Variants in RCAN1 observed in about 807,000 individuals in gnomAD.
The protein encoded by RCAN1 is calcipressin-1.
RCAN1 carries 11 observed loss-of-function variants against 22.9 expected under a neutral mutation model. The ratio of observed to expected loss-of-function variants is 0.48; its 90% CI spans 0.30 to 0.79. The LOEUF is 0.79. Ranked by LOEUF, RCAN1 falls within the 30% of genes least tolerant of loss-of-function variation. The pLI, the probability that RCAN1 is intolerant of heterozygous loss-of-function variation, is 0.06. For synonymous variants in RCAN1, 136 were observed against 142.3 expected (o/e 0.96, Z 0.32); for missense variants, 291 against 337.8 (o/e 0.86, Z 1.09).
intron 1 of RCAN1, among the ~76,000 whole-genome samples, chr21:34,563,794 T>TATAGAGAGAG (rs765741781): frequency 2.3e-4 from 11 of 48,720 alleles, no homozygotes; most frequent in South Asian, 1.0e-3. Flanking sequence ...TATATATATA[T>TATAGAGAGAG]AGAGAGAGAG....
intron 1 of RCAN1, among the ~76,000 whole-genome samples, chr21:34,596,618 G>A (rs149913755): frequency 8.5e-5 from 13 of 152,306 alleles, no homozygotes; most frequent in African/African-American, 2.2e-4. Flanking sequence ...AGCAACCCCC[G>A]CTGCCATGCA....
At chr21:34,561,681 A>G (rs960567051) in intron 1 of RCAN1, among the ~76,000 whole-genome samples, 4 of 152,262 alleles carry the variant, frequency 2.6e-5, no homozygotes, top group Non-Finnish European at 4.4e-5. Flanking sequence ...GAAGTTAGCT[A>G]CCTCAGTAAA....
chr21:34,614,101 A>G lies in RCAN1; in HGVS notation c.252+659T>C, dbSNP rs1380254253. 1.3e-5 allele frequency among the ~76,000 whole-genome samples: 2 copies of G among 152,026 alleles called. No individual in the cohort carries two copies. Among genetic ancestry groups the G allele is most frequent in the Non-Finnish European group, 2.9e-5 (2 of 67,990 alleles). On this transcript the variant is annotated intron_variant, in intron 1 of 3. Coordinates refer to ENST00000313806, the MANE Select transcript of RCAN1 (RefSeq NM_004414.7). The surrounding 1 kb of genome is among the most constrained non-coding windows in gnomAD (Gnocchi z 6.0). The stretch of plus-strand genomic sequence containing the variant: ...TTGCGGGGGTGGGGGGAGGCGGGGG[A>G]AGGAGTCGACTCCCCATGTACTGGG...
intron 1 of RCAN1, among the ~76,000 whole-genome samples, chr21:34,556,390 C>T (rs1251060907): frequency 2.0e-5 from 3 of 150,178 alleles, no homozygotes; most frequent in Non-Finnish European, 3.0e-5. Context: ...CGTGCCACTG[C>T]ACTCCAGCCT....
At chr21:34,581,009 C>G (rs965468017) in intron 1 of RCAN1, among the ~76,000 whole-genome samples, 1 of 152,196 alleles carries the variant, frequency 6.6e-6, no homozygotes, top group African/African-American at 2.4e-5. Flanking sequence ...GTTCTTTAGA[C>G]AAGCACTAGG....
chr21:34,565,946 T>C (rs542940037), intron 1 of RCAN1, among the ~76,000 whole-genome samples: 28 of 152,334 alleles, frequency 1.8e-4, no homozygotes, highest in African/African-American at 6.7e-4. Context: ...GTGAACCATC[T>C]ACCAGGTGTC....
At chr21:34,554,801 A>G (rs1235627399) in intron 1 of RCAN1, among the ~76,000 whole-genome samples, 3 of 152,358 alleles carry the variant, frequency 2.0e-5, no homozygotes, top group Middle Eastern at 6.8e-3. Flanking sequence ...GGAAAGCATC[A>G]CTATCATGGT....
At chr21:34,582,665 G>A (rs1012049422) in intron 1 of RCAN1, among the ~76,000 whole-genome samples, 9 of 152,174 alleles carry the variant, frequency 5.9e-5, no homozygotes, top group Admixed American at 1.3e-4. Context: ...TCTGGAGCCC[G>A]CGCTAAATGT....
In RCAN1 at chr21:34,525,873, A is replaced by G. The variant is rs189900215; in HGVS notation, c.253-2163T>C. Among the ~76,000 whole-genome samples, 3 of 152,290 alleles carry G rather than the reference A, an allele frequency of 2.0e-5. No homozygotes were observed. The East Asian group carries it at 5.8e-4, about 29-fold the overall frequency. On this transcript the variant is annotated intron_variant, in intron 1 of 3. Coordinates refer to ENST00000313806, the MANE Select transcript of RCAN1 (RefSeq NM_004414.7). ...ACTATGGTGCGAGCCCATAAGCATT[A>G]TATACAATTATGGAGTTACATTTGA... is the stretch of plus-strand genomic sequence containing the variant.
chr21:34,574,786 C>G (rs1460498296), intron 1 of RCAN1, among the ~76,000 whole-genome samples: 1 of 152,210 alleles, frequency 6.6e-6, no homozygotes, highest in African/African-American at 2.4e-5. Flanking sequence ...AGCACGTTCT[C>G]CTCGGGTGCC....
At chr21:34,529,968 T>C (rs1010707294) in intron 1 of RCAN1, among the ~76,000 whole-genome samples, 2 of 152,208 alleles carry the variant, frequency 1.3e-5, no homozygotes, top group Non-Finnish European at 2.9e-5. Context: ...GCTGCCGCCA[T>C]GTAAGAAGTG....
At chr21:34,568,586 T>G (rs1410062863) in intron 1 of RCAN1, among the ~76,000 whole-genome samples, 1 of 152,162 alleles carries the variant, frequency 6.6e-6, no homozygotes, top group East Asian at 1.9e-4. Context: ...TTACATCCAC[T>G]GGAGGAATTG....
At chr21:34,549,299 G>A (rs1986271393) in intron 1 of RCAN1, among the ~76,000 whole-genome samples, 1 of 152,224 alleles carries the variant, frequency 6.6e-6, no homozygotes. Flanking sequence ...GTTCAAAAAT[G>A]TAAAATCTGC....
In RCAN1 at chr21:34,614,898, C is replaced by T; in HGVS notation, c.114G>A (p.Gly38=). The T allele has an allele frequency of 3.5e-6, 5 of 1,433,458 alleles. No homozygotes were observed. The highest frequency in any genetic ancestry group is 4.6e-6 in the Non-Finnish European group (5 of 1,087,250). 88.8% of individuals were successfully genotyped at this position (1,433,458 alleles called of 1,614,324 possible). Residue 38 remains glycine (G), a synonymous_variant, in exon 1 of 4, where the codon GGG becomes GGA. Transcript: ENST00000313806. This position sits in a 1 kb window ranked among gnomAD's most constrained non-coding sequence, Gnocchi z 6.0. ...CGCCGCCCTCGTCCGCCTCGGCCGC[C>T]CCCGAGAGGGGCGCGAAGGGCCGCA... ...VTLRPFAPLS[G]AAEADEGGGD... is the part of the protein sequence containing the mutation.
intron 1 of RCAN1, among the ~76,000 whole-genome samples, chr21:34,593,764 T>A (rs1988050920): frequency 6.6e-6 from 1 of 151,968 alleles, no homozygotes; most frequent in Non-Finnish European, 1.5e-5. Flanking sequence ...AGGAAAAAGG[T>A]TTAGGAAATA....
At chr21:34,591,096 G>A (rs987972533) in intron 1 of RCAN1, among the ~76,000 whole-genome samples, 3 of 152,146 alleles carry the variant, frequency 2.0e-5, no homozygotes, top group Admixed American at 6.5e-5. Context: ...ACAGATCCCC[G>A]ATCCAGTCCT....
intron 3 of RCAN1, chr21:34,521,267 G>A (rs767580284): frequency 5.0e-5 from 72 of 1,440,288 alleles, no homozygotes; most frequent in African/African-American, 2.9e-4. Flanking sequence ...GTGGAGGGGC[G>A]TGATGCAGGG....
rs145518974 is a variant in RCAN1 at position 34,558,859 on chromosome 21, T to C, written c.253-35149A>G. ...GGCTCCCTGGGCTCCAATGCTCCAA[T>C]GGAATTCAGGGAATCCAAAAGGATG... is the stretch of plus-strand genomic sequence containing the variant. On this transcript the variant is annotated intron_variant, in intron 1 of 3. Transcript: ENST00000313806. Among the ~76,000 whole-genome samples the C allele has an allele frequency of 3.9e-3, 587 of 152,262 alleles. 3 individuals are homozygous for C. The highest frequency in any genetic ancestry group is 0.013 in the African/African-American group (547 of 41,544).
chr21:34,581,632 A>G (rs1987612250), intron 1 of RCAN1, among the ~76,000 whole-genome samples: 1 of 152,228 alleles, frequency 6.6e-6, no homozygotes, highest in Admixed American at 6.5e-5. Flanking sequence ...GGTCAATGCC[A>G]GTGTATATGA....
Sources: allele counts gnomAD v4.1 joint callset (sites outside exome capture counted in the v4.1 genomes callset), GRCh38; gene constraint gnomAD v4.1.1; non-coding constraint Gnocchi (gnomAD v3.1); transcripts MANE v1.5; gene names NCBI Gene and HGNC (gene_info 2026-07-23, HGNC 2026-07-21).